The following NRXN1 variants were observed in gnomAD, a reference collection of about 807,000 sequenced individuals.
NRXN1 encodes neurexin 1, also known as neurexin-1.
A neutral mutation model predicts 150.9 loss-of-function variants in NRXN1; 39 were observed. That is an observed-to-expected ratio of 0.26 (90% CI 0.20 to 0.34). The LOEUF is 0.34. NRXN1 is among the 10% of genes least tolerant of loss of function. The probability of loss-of-function intolerance (pLI) is 1.00; values close to 1 mark genes in which losing one functional copy is unlikely to be tolerated. For synonymous variants in NRXN1, 924 were observed against 757.0 expected, an observed-to-expected ratio of 1.22 and a Z score of -3.62; for missense variants, 1,815 against 1,949.9, an observed-to-expected ratio of 0.93 and a Z score of 1.30.
chr2:50,389,248 G>C (rs1423704597), intron 17 of NRXN1, among the ~76,000 whole-genome samples: 1 of 150,042 alleles, frequency 6.7e-6, no homozygotes, highest in Non-Finnish European at 1.5e-5. Context: ...TAAACAGACA[G>C]ATTCAGGCAT....
intron 17 of NRXN1, among the ~76,000 whole-genome samples, chr2:50,411,620 G>A (rs2083181585): frequency 6.6e-6 from 1 of 151,940 alleles, no homozygotes; most frequent in African/African-American, 2.4e-5. Flanking sequence ...TGGGAGGTGA[G>A]GAGCGTCTCT....
At chr2:50,818,281 T>G (rs2105807877) in intron 5 of NRXN1, among the ~76,000 whole-genome samples, 1 of 151,934 alleles carries the variant, frequency 6.6e-6, no homozygotes, top group African/African-American at 2.4e-5. Context: ...TTTGGACATC[T>G]TAACAATATT....
At chr2:50,647,923 C>T (rs1339128876) in intron 5 of NRXN1, among the ~76,000 whole-genome samples, 1 of 151,658 alleles carries the variant, frequency 6.6e-6, no homozygotes, top group Non-Finnish European at 1.5e-5. Flanking sequence ...TTGTACTGTA[C>T]ATGTGTGTAT....
At position 50,392,389 on chromosome 2, in the gene NRXN1, G is replaced by A. The variant is rs797019028; in HGVS notation, c.3364+73053C>T. Reference sequence around the variant, plus strand: ...ACAGGATGCATTTTACTATACTAGCGTTTTGATAGCCCTGACTGTAAAACA... The same window carrying A: ...ACAGGATGCATTTTACTATACTAGCATTTTGATAGCCCTGACTGTAAAACA... On this transcript the variant is annotated intron_variant, in intron 17 of 22. Coordinates refer to ENST00000401669, the MANE Select transcript of NRXN1 (RefSeq NM_001330078.2). Among the ~76,000 whole-genome samples, 8 of 152,138 alleles carry A rather than the reference G, an allele frequency of 5.3e-5. 1 individual carries two copies. The highest frequency in any genetic ancestry group is 1.7e-4 in the African/African-American group (7 of 41,514).
At chr2:49,989,518 G>C (rs1573252400) in intron 21 of NRXN1, among the ~76,000 whole-genome samples, 1 of 152,146 alleles carries the variant, frequency 6.6e-6, no homozygotes, top group South Asian at 2.1e-4. Context: ...TTGAACAAGT[G>C]AGTTTATTAA....
At chr2:50,180,181 C>A (rs964590184) in intron 18 of NRXN1, among the ~76,000 whole-genome samples, 1 of 142,942 alleles carries the variant, frequency 7.0e-6, no homozygotes, top group Admixed American at 7.3e-5. Flanking sequence ...GCCCCCACAT[C>A]TGGCTAATTT....
chr2:50,620,269 TTTG>T lies in NRXN1; in HGVS notation c.1159-89_1159-87del, dbSNP rs1448633555. The T allele has an allele frequency of 7.2e-6, 10 of 1,395,808 alleles. No individual in the cohort carries two copies. In the East Asian group the frequency reaches 2.5e-4, roughly 35 times the overall value. 86.5% of individuals were successfully genotyped at this position (1,395,808 alleles called of 1,614,324 possible). Reference sequence around the variant, plus strand: ...GGATATGCCTGTTTTGTGTTTTGCTTTTGTTTTTTTGTTTTGTTTTGTTTTGCT... The same window carrying T: ...GGATATGCCTGTTTTGTGTTTTGCTTTTTTTTTGTTTTGTTTTGTTTTGCT... On this transcript the variant is annotated intron_variant, in intron 7 of 22. Transcript: ENST00000401669.
intron 18 of NRXN1, among the ~76,000 whole-genome samples, chr2:50,157,634 G>A (rs2059105393): frequency 6.6e-6 from 1 of 151,980 alleles, no homozygotes; most frequent in African/African-American, 2.4e-5. Context: ...CATAGGGAAG[G>A]TGAAGCAGGG....
At chr2:50,394,014 CT>C (rs1339330012) in intron 17 of NRXN1, among the ~76,000 whole-genome samples, 4 of 152,016 alleles carry the variant, frequency 2.6e-5, no homozygotes, top group Non-Finnish European at 4.4e-5. Context: ...TTTTGAAACA[CT>C]TTATTTTTTC....
chr2:49,958,906 G>A (rs1675443726), intron 21 of NRXN1, among the ~76,000 whole-genome samples: 1 of 152,120 alleles, frequency 6.6e-6, no homozygotes, highest in African/African-American at 2.4e-5. Flanking sequence ...TCTCCGTCCT[G>A]AGAAATGAGA....
intron 21 of NRXN1, among the ~76,000 whole-genome samples, chr2:50,026,854 CTTTTCTTTTTTTTTTTTTTTTTTTTT>C (rs1688376847): frequency 2.0e-5 from 1 of 49,132 alleles, no homozygotes; most frequent in African/African-American, 9.9e-5. Context: ...TAAGTCTTTT[CTTTTCTTTTTTTTTTTTTTTTTTTTT>C]TTTTTTTTTT....
At chr2:50,264,246 A>G (rs1459508333) in intron 17 of NRXN1, among the ~76,000 whole-genome samples, 2 of 152,120 alleles carry the variant, frequency 1.3e-5, no homozygotes, top group East Asian at 3.9e-4. Context: ...CTAAAAAAAA[A>G]GAAACAAAGA....
chr2:50,051,129 A>G (rs1692646461), intron 21 of NRXN1, among the ~76,000 whole-genome samples: 1 of 151,992 alleles, frequency 6.6e-6, no homozygotes, highest in Admixed American at 6.6e-5. Context: ...TTCATTGGCA[A>G]TTAAGGAGCA....
At chr2:50,871,953 C>T (rs1410721851) in intron 5 of NRXN1, among the ~76,000 whole-genome samples, 1 of 151,728 alleles carries the variant, frequency 6.6e-6, no homozygotes, top group African/African-American at 2.4e-5. Context: ...CTAGGATATG[C>T]TTATGTATTT....
intron 17 of NRXN1, among the ~76,000 whole-genome samples, chr2:50,375,331 C>T (rs913449546): frequency 1.3e-5 from 2 of 151,096 alleles, no homozygotes; most frequent in South Asian, 2.1e-4. Context: ...AAATACTTCC[C>T]AACATTATTT....
intron 10 of NRXN1, among the ~76,000 whole-genome samples, chr2:50,532,106 T>A (rs1223080483): frequency 2.0e-5 from 3 of 151,972 alleles, no homozygotes; most frequent in African/African-American, 7.2e-5. Flanking sequence ...TCGCCCAGGT[T>A]CCCAAAAGGA....
intron 5 of NRXN1, among the ~76,000 whole-genome samples, chr2:50,746,793 A>G (rs986249124): frequency 2.0e-5 from 3 of 152,068 alleles, no homozygotes; most frequent in African/African-American, 7.2e-5. Context: ...GCGGGACCAA[A>G]TTCTCCTCCA....
At chr2:50,597,808 T>G (rs766720380) in intron 8 of NRXN1, among the ~76,000 whole-genome samples, 3 of 151,950 alleles carry the variant, frequency 2.0e-5, no homozygotes, top group Non-Finnish European at 2.9e-5. Flanking sequence ...ATGATTTGAG[T>G]CTCCCCCTGT....
chr2:50,788,933 T>C lies in NRXN1; in HGVS notation c.832+132936A>G, dbSNP rs547167379. Among the ~76,000 whole-genome samples the C allele has an allele frequency of 2.6e-5, 4 of 152,242 alleles. No individual in the cohort carries two copies. The South Asian group carries it at 8.3e-4, about 32-fold the overall frequency. ...TAAAGGTGCTACCTCGTGTAACTCC[T>C]TGATGGATGACAGGGAGATGGAAAA... On this transcript the variant is annotated intron_variant, in intron 5 of 22. Coordinates refer to ENST00000401669, the MANE Select transcript of NRXN1 (RefSeq NM_001330078.2).
Sources: gnomAD v4.1 joint callset for allele counts (sites outside exome capture counted in the v4.1 genomes callset) on GRCh38, gnomAD v4.1.1 for gene constraint, MANE v1.5 for transcripts, NCBI Gene and HGNC (gene_info 2026-07-23, HGNC 2026-07-21) for gene names.